Variants in CACNA1C observed in about 807,000 individuals in gnomAD.
CACNA1C encodes calcium voltage-gated channel subunit alpha1 C, also known as voltage-dependent L-type calcium channel subunit alpha-1C.
A neutral mutation model predicts 229.0 loss-of-function variants in CACNA1C; 30 were observed. The observed-to-expected ratio is 0.13, with a 90% confidence interval of 0.10 to 0.18. The LOEUF (loss-of-function observed/expected upper bound fraction) is 0.18, where lower values mean the gene tolerates loss of function less well. Among genes scored for constraint, CACNA1C ranks in the 10% least tolerant of loss-of-function variants. The probability of loss-of-function intolerance (pLI) is 1.00; values close to 1 mark genes in which losing one functional copy is unlikely to be tolerated. For missense variants in CACNA1C, 1,658 were observed against 2,845.0 expected (o/e 0.58, Z 9.49); for synonymous variants, 1,114 against 1,132.5 (o/e 0.98, Z 0.33).
intron 3 of CACNA1C, among the ~76,000 whole-genome samples, chr12:2,190,231 C>T (rs2097168481): frequency 2.0e-5 from 3 of 152,162 alleles, no homozygotes; most frequent in Non-Finnish European, 4.4e-5. Context: ...TTAAACATTG[C>T]CAATCGATTT....
intron 15 of CACNA1C, among the ~76,000 whole-genome samples, chr12:2,583,436 A>T (rs1015218996): frequency 1.3e-5 from 2 of 152,148 alleles, no homozygotes; most frequent in Non-Finnish European, 2.9e-5. Flanking sequence ...ACAGACTTCA[A>T]ACAGCCCCAA....
intron 3 of CACNA1C, among the ~76,000 whole-genome samples, chr12:2,166,684 T>G (rs2096251098): frequency 6.6e-6 from 1 of 152,234 alleles, no homozygotes. Flanking sequence ...TAGTATTTGT[T>G]AAATGCTTGG....
chr12:2,035,142 C>T (rs2048891272), intron 1 of CACNA1C, among the ~76,000 whole-genome samples: 1 of 152,190 alleles, frequency 6.6e-6, no homozygotes, highest in African/African-American at 2.4e-5. Flanking sequence ...TGCGCCGGCG[C>T]GTGTGCCCGG....
At chr12:2,004,652 A>AT in intron 1 of CACNA1C, 2 of 621,058 alleles carry the variant, frequency 3.2e-6, no homozygotes, top group Non-Finnish European at 5.5e-6. Context: ...ACTGGCAACG[A>AT]CAAGCCCAGG....
chr12:2,069,194 G>A (rs4765660), intron 1 of CACNA1C, among the ~76,000 whole-genome samples: 35,371 of 152,040 alleles, frequency 0.23, 4,392 homozygotes, highest in African/African-American at 0.33. Flanking sequence ...AATCCCATGC[G>A]TCCTTGGCCC....
intron 1 of CACNA1C, chr12:1,993,531 T>G: frequency 1.0e-6 from 1 of 956,796 alleles, no homozygotes; most frequent in Non-Finnish European, 1.5e-6. Flanking sequence ...TACACGTACT[T>G]CTTCACCACT....
chr12:2,268,001 CCT>C (rs1260896466), intron 3 of CACNA1C, among the ~76,000 whole-genome samples: 4 of 152,262 alleles, frequency 2.6e-5, no homozygotes, highest in South Asian at 4.2e-4. Context: ...TGTTTTTCCC[CCT>C]GTTGTCATCT....
At chr12:2,341,274 A>C (rs2096854630) in intron 3 of CACNA1C, among the ~76,000 whole-genome samples, 1 of 152,204 alleles carries the variant, frequency 6.6e-6, no homozygotes, top group Middle Eastern at 3.2e-3. Context: ...CCCCTGGGAT[A>C]GCGTGAGGAT....
At chr12:2,441,932 C>T (rs1000719706) in intron 3 of CACNA1C, among the ~76,000 whole-genome samples, 6 of 152,192 alleles carry the variant, frequency 3.9e-5, no homozygotes, top group Non-Finnish European at 5.9e-5. Context: ...CTTAGCCTTC[C>T]TCTTGCCTGC....
At chr12:2,592,373 G>C (rs1601422196) in intron 18 of CACNA1C, among the ~76,000 whole-genome samples, 1 of 152,220 alleles carries the variant, frequency 6.6e-6, no homozygotes, top group Admixed American at 6.5e-5. Context: ...GGCACAGAGA[G>C]ACTCAATAAA....
At chr12:2,495,736 A>G (rs1253363090) in intron 7 of CACNA1C, among the ~76,000 whole-genome samples, 2 of 152,186 alleles carry the variant, frequency 1.3e-5, no homozygotes, top group African/African-American at 4.8e-5. Context: ...CTCATGGGAC[A>G]TGCCTCTCTC....
chr12:2,196,053 A>T (rs1030685699), intron 3 of CACNA1C, among the ~76,000 whole-genome samples: 1 of 152,164 alleles, frequency 6.6e-6, no homozygotes, highest in African/African-American at 2.4e-5. Context: ...TACTTCAGGG[A>T]TGTGGAGCTT....
chr12:2,138,529 C>T (rs1597031229), intron 3 of CACNA1C, among the ~76,000 whole-genome samples: 2 of 151,110 alleles, frequency 1.3e-5, no homozygotes, highest in Non-Finnish European at 3.0e-5. Context: ...GGTGTGGCTC[C>T]GAGTCCCACT....
chr12:2,159,673 C>T (rs1399404598), intron 3 of CACNA1C, among the ~76,000 whole-genome samples: 2 of 148,396 alleles, frequency 1.3e-5, no homozygotes, highest in African/African-American at 2.5e-5. Flanking sequence ...GGCATAATCT[C>T]GGCTCACTGC....
intron 29 of CACNA1C, among the ~76,000 whole-genome samples, chr12:2,624,116 G>A (rs116907264): frequency 0.01 from 1,567 of 152,270 alleles, 15 homozygotes; most frequent in Non-Finnish European, 0.018. Context: ...TGGAGGATGG[G>A]GTCCTTGTTT....
At chr12:2,252,975 G>A (rs1424524248) in intron 3 of CACNA1C, among the ~76,000 whole-genome samples, 1 of 152,164 alleles carries the variant, frequency 6.6e-6, no homozygotes, top group Non-Finnish European at 1.5e-5. Flanking sequence ...TGTTACATGG[G>A]CAGGGGAAGG....
At chr12:2,251,805 C>G (rs957327503) in intron 3 of CACNA1C, among the ~76,000 whole-genome samples, 1 of 152,158 alleles carries the variant, frequency 6.6e-6, no homozygotes, top group Non-Finnish European at 1.5e-5. Flanking sequence ...CTGAATGAGG[C>G]TGGGGCGAGA....
chr12:2,162,253 C>T (rs1260085362), intron 3 of CACNA1C, among the ~76,000 whole-genome samples: 1 of 151,932 alleles, frequency 6.6e-6, no homozygotes, highest in African/African-American at 2.4e-5. Context: ...ACCTGACCAC[C>T]ACCCCCTCCC....
chr12:2,191,310 C>T (rs531990798), intron 3 of CACNA1C, among the ~76,000 whole-genome samples: 2 of 152,226 alleles, frequency 1.3e-5, no homozygotes, highest in Admixed American at 1.3e-4. Flanking sequence ...AGCAGCGTGG[C>T]TCTGGGCTTG....
Sources: allele counts gnomAD v4.1 joint callset (sites outside exome capture counted in the v4.1 genomes callset), GRCh38; gene constraint gnomAD v4.1.1; transcripts MANE v1.5; gene names NCBI Gene and HGNC (gene_info 2026-07-23, HGNC 2026-07-21).